The following MOV10L1 variants were observed in gnomAD, a reference collection of about 807,000 sequenced individuals.
The protein encoded by MOV10L1 is Mov10 like RNA helicase 1.
Under a neutral mutation model 143.8 loss-of-function variants are expected in MOV10L1, and 110 were observed. The ratio of observed to expected loss-of-function variants is 0.76; its 90% CI spans 0.66 to 0.90. The LOEUF is 0.90. Ranked by LOEUF, MOV10L1 falls within the 40% of genes least tolerant of loss-of-function variation. The pLI is 0.00. For missense variants in MOV10L1, 1,406 were observed against 1,526.8 expected (o/e 0.92, Z 1.32); for synonymous variants, 593 against 581.1 (o/e 1.02, Z -0.29).
chr22:50,132,310 A>AT (rs1262039860), intron 13 of MOV10L1, among the ~76,000 whole-genome samples: 1 of 152,076 alleles, frequency 6.6e-6, no homozygotes, highest in Non-Finnish European at 1.5e-5. Flanking sequence ...TCTTACATGG[A>AT]TTTTAGGTCA....
rs150454370 is a variant in MOV10L1 at position 50,123,372 on chromosome 22, A to G, written c.1570-2020A>G. On this transcript the variant is annotated intron_variant, in intron 10 of 26. Transcript: ENST00000262794. ...ATAGCATGTAATCCTTTTATTTTAT[A>G]TATGTTTTTTGAGACAGGGTCTCAC... Among the ~76,000 whole-genome samples, 878 of 151,708 alleles carry G rather than the reference A, an allele frequency of 5.8e-3. 9 individuals carry two copies. The highest frequency in any genetic ancestry group is 0.02 in the African/African-American group (825 of 41,344).
Position 50,158,328 on chromosome 22 carries a change from A to C in MOV10L1, c.3216+122A>C. ...AGCAGCAGCAGGTTTTTAAAGGGGC[A>C]GGACCGCACTTGAATGTCGTTCAAC... On this transcript the variant is annotated intron_variant, in intron 23 of 26. Coordinates refer to ENST00000262794, the MANE Select transcript of MOV10L1 (RefSeq NM_018995.3). This position sits in a 1 kb window ranked among gnomAD's most constrained non-coding sequence, Gnocchi z 5.0. 1 of 1,231,722 alleles carries C rather than the reference A, an allele frequency of 8.1e-7. No homozygotes were observed. Among genetic ancestry groups the C allele is most frequent in the Non-Finnish European group, 1.1e-6 (1 of 891,806 alleles). The allele number at this position is 1,231,722 out of a possible 1,614,324, so 76.3% of individuals were successfully genotyped here.
Position 50,125,469 on chromosome 22 carries a change from G to GA in MOV10L1, c.1650dup (p.Glu551ArgfsTer3). ...AGGAGATTTATGCAGAAATGGAACT[G>GA]AAAGAGTATAACATGAGCGGGATCA... On this transcript the variant is annotated frameshift_variant, in exon 11 of 27. Coordinates refer to ENST00000262794, the MANE Select transcript of MOV10L1 (RefSeq NM_018995.3). LOFTEE classifies it high-confidence loss of function. The GA allele has an allele frequency of 6.2e-7, 1 of 1,614,180 alleles. No homozygotes were observed. The highest frequency in any genetic ancestry group is 8.5e-7 in the Non-Finnish European group (1 of 1,180,008).
intron 19 of MOV10L1, among the ~76,000 whole-genome samples, chr22:50,147,889 C>T (rs572994675): frequency 1.3e-4 from 20 of 152,320 alleles, no homozygotes; most frequent in South Asian, 1.0e-3. Flanking sequence ...TTGTGAAATC[C>T]GTGTCTTGAG....
In MOV10L1 at chr22:50,117,307, G is replaced by T; in HGVS notation, c.1410G>T (p.Ala470=). ...FSWKKLKSSQ[A]LTSAKTTVVV... ...GGAAAAAGCTTAAAAGTTCACAAGC[G>T]TTAACATCCGCAAAAACTACAGTTG... Residue 470 remains alanine, a synonymous_variant, in exon 9 of 27, where the codon GCG becomes GCT. Transcript: ENST00000262794. The T allele has an allele frequency of 6.2e-7, 1 of 1,614,066 alleles. No homozygotes were observed.
intron 13 of MOV10L1, among the ~76,000 whole-genome samples, chr22:50,130,633 T>A (rs2062645624): frequency 6.6e-6 from 1 of 151,962 alleles, no homozygotes; most frequent in Admixed American, 6.6e-5. Context: ...GTGAGTGCCA[T>A]GAGAAGACCC....
In MOV10L1 at chr22:50,142,294, G is replaced by GT. The variant is rs2147345195; in HGVS notation, c.2179+105_2179+106insT. The GT allele has an allele frequency of 4.8e-6, 4 of 828,818 alleles. No homozygotes were observed. In the South Asian group the frequency reaches 5.8e-5, roughly 12 times the overall value. The allele number at this position is 828,818 out of a possible 1,614,324, so 51.3% of individuals were successfully genotyped here. A position where few individuals can be genotyped will look rare whatever the true frequency, so the allele number is the denominator to read the frequency against. ...TCATGCAGAAGGAAGAACAGTAGGG[G>GT]GCGTGTGGCCTGTGACAGGCGGCTG... is the stretch of plus-strand genomic sequence containing the variant. On this transcript the variant is annotated intron_variant, in intron 16 of 26. Transcript: ENST00000262794.
intron 15 of MOV10L1, among the ~76,000 whole-genome samples, chr22:50,141,502 T>C (rs2062986658): frequency 6.6e-6 from 1 of 151,362 alleles, no homozygotes; most frequent in African/African-American, 2.4e-5. Context: ...CTAATTTTTT[T>C]TTTTTTTTTG....
intron 1 of MOV10L1, 86 bp from the exon 2 acceptor site, chr22:50,091,915 T>A: frequency 7.3e-7 from 1 of 1,371,432 alleles, no homozygotes; most frequent in Non-Finnish European, 1.0e-6. Context: ...AAGGAGGCTT[T>A]TGCACTCTGC....
intron 19 of MOV10L1, among the ~76,000 whole-genome samples, chr22:50,147,670 G>A (rs1602334490): frequency 6.6e-6 from 1 of 152,152 alleles, no homozygotes; most frequent in Non-Finnish European, 1.5e-5. Context: ...GAGTGGGGAG[G>A]GGCACTTCAA....
chr22:50,137,810 T>TATATAAATATACATATTTTATATATAC (rs2062869522), intron 15 of MOV10L1, among the ~76,000 whole-genome samples: 1 of 97,364 alleles, frequency 1.0e-5, no homozygotes, highest in Non-Finnish European at 2.3e-5. Context: ...TTTATATATA[T>TATATAAATATACATATTTTATATATAC]ACATATATAA....
intron 3 of MOV10L1, among the ~76,000 whole-genome samples, chr22:50,102,099 A>G (rs553207973): frequency 1.1e-3 from 175 of 152,342 alleles, no homozygotes; most frequent in African/African-American, 4.0e-3. Context: ...AGCCCAGGCC[A>G]AGGGATTTCC....
intron 18 of MOV10L1, among the ~76,000 whole-genome samples, chr22:50,144,854 T>C (rs570988406): frequency 6.6e-6 from 1 of 152,238 alleles, no homozygotes; most frequent in African/African-American, 2.4e-5. Context: ...GTGCTGGGAT[T>C]ACAGGCGTGA....
In MOV10L1 at chr22:50,159,405, G is replaced by C. The variant is rs1010211678; in HGVS notation, c.3217-273G>C. On this transcript the variant is annotated intron_variant, in intron 23 of 26. Coordinates refer to ENST00000262794, the MANE Select transcript of MOV10L1 (RefSeq NM_018995.3). The surrounding 1 kb of genome is among the most constrained non-coding windows in gnomAD (Gnocchi z 4.1). Reference sequence around the variant, plus strand: ...TCACAAGGTCAGGAGTTCAAGACCAGCCTGGCCAATATGGTGAAACCCTCT... The same window carrying C: ...TCACAAGGTCAGGAGTTCAAGACCACCCTGGCCAATATGGTGAAACCCTCT... 28 of 211,180 alleles carry C rather than the reference G, an allele frequency of 1.3e-4. No homozygotes were observed. The highest frequency in any genetic ancestry group is 2.5e-4 in the Non-Finnish European group (27 of 106,348). 13.1% of individuals were successfully genotyped at this position (211,180 alleles called of 1,614,324 possible).
intron 20 of MOV10L1, 107 bp from the exon 21 acceptor site, chr22:50,150,628 A>C: frequency 7.8e-7 from 1 of 1,288,436 alleles, no homozygotes; most frequent in South Asian, 1.4e-5. Flanking sequence ...CCCTGCAGCA[A>C]GAGTGAGCAT....
At chr22:50,148,866 G>A (rs144083961) in intron 19 of MOV10L1, among the ~76,000 whole-genome samples, 4,043 of 152,134 alleles carry the variant, frequency 0.027, 81 homozygotes, top group Non-Finnish European at 0.038. Context: ...GGGTTTCACC[G>A]TGTTAGCCAG....
At chr22:50,129,755 T>C (rs369332027) in intron 13 of MOV10L1, among the ~76,000 whole-genome samples, 1 of 152,342 alleles carries the variant, frequency 6.6e-6, no homozygotes. Context: ...ATGCATCTCA[T>C]GATGGTCTTG....
At chr22:50,113,062 G>C (rs879638390) in intron 5 of MOV10L1, among the ~76,000 whole-genome samples, 48 of 152,178 alleles carry the variant, frequency 3.2e-4, no homozygotes, top group African/African-American at 1.1e-3. Context: ...GCATGAGGCA[G>C]GTTTACCTTC....
rs576422258 is a variant in MOV10L1, at chr22:50,115,018, G to A, written c.1127-96G>A. Reference sequence around the variant, plus strand: ...TGTTTTTGTGTGCATCTGTCTTTGTGTGTGTGAGAGAGTATTCATTTCCAC... The same window carrying A: ...TGTTTTTGTGTGCATCTGTCTTTGTATGTGTGAGAGAGTATTCATTTCCAC... On this transcript the variant is annotated intron_variant, in intron 7 of 26. Transcript: ENST00000262794. 20 of 1,325,870 alleles carry A rather than the reference G, an allele frequency of 1.5e-5. No homozygotes were observed. In the African/African-American group the frequency reaches 2.4e-4, roughly 16 times the overall value. 82.1% of individuals were successfully genotyped at this position (1,325,870 alleles called of 1,614,324 possible).
Sources: allele counts gnomAD v4.1 joint callset (sites outside exome capture counted in the v4.1 genomes callset), GRCh38; gene constraint gnomAD v4.1.1; non-coding constraint Gnocchi (gnomAD v3.1); transcripts MANE v1.5; gene names NCBI Gene and HGNC (gene_info 2026-07-23, HGNC 2026-07-21).